IQGAP2: variants seen among roughly 807,000 people sequenced by gnomAD.
IQGAP2 encodes ras GTPase-activating-like protein IQGAP2.
In IQGAP2, 173 loss-of-function variants were observed where a neutral mutation model predicts 201.3. The ratio of observed to expected loss-of-function variants is 0.86; its 90% CI spans 0.76 to 0.98. The LOEUF is 0.98. Among genes scored for constraint, IQGAP2 ranks in the 50% least tolerant of loss-of-function variants. IQGAP2 has a pLI of 0.00. For synonymous variants in IQGAP2, 675 were observed against 673.9 expected, an observed-to-expected ratio of 1.00 and a Z score of -0.03; for missense variants, 1,687 against 1,864.8, an observed-to-expected ratio of 0.90 and a Z score of 1.76.
At chr5:76,486,568 T>C (rs1021780207) in intron 2 of IQGAP2, among the ~76,000 whole-genome samples, 3 of 152,220 alleles carry the variant, frequency 2.0e-5, no homozygotes, top group Non-Finnish European at 4.4e-5. Context: ...TAAATAGCGC[T>C]GAAGGCCTGT....
intron 2 of IQGAP2, among the ~76,000 whole-genome samples, chr5:76,545,287 G>A (rs577128441): frequency 2.0e-5 from 3 of 152,302 alleles, no homozygotes; most frequent in East Asian, 3.9e-4. Context: ...GGGACATGCC[G>A]TGGAGAGGAA....
At chr5:76,432,358 C>T (rs1470710584) in intron 1 of IQGAP2, among the ~76,000 whole-genome samples, 1 of 152,162 alleles carries the variant, frequency 6.6e-6, no homozygotes, top group African/African-American at 2.4e-5. Context: ...CTCCTGACCT[C>T]AGGTGATCCA....
At chr5:76,506,232 A>C (rs559989898) in intron 2 of IQGAP2, among the ~76,000 whole-genome samples, 10 of 152,340 alleles carry the variant, frequency 6.6e-5, no homozygotes, top group Admixed American at 3.9e-4. Context: ...CGAGAGAGCT[A>C]CTTGAGGGCA....
intron 2 of IQGAP2, among the ~76,000 whole-genome samples, chr5:76,527,379 T>C (rs964029128): frequency 6.6e-6 from 1 of 152,174 alleles, no homozygotes; most frequent in African/African-American, 2.4e-5. Context: ...CTTCTCCAAC[T>C]CTGCCAGGGA....
rs1270992109 is a variant in IQGAP2, at chr5:76,590,590, C to G, written c.819+4C>G. 5.0e-6 allele frequency: 8 copies of G among 1,596,688 alleles called. No homozygotes were observed. Among genetic ancestry groups the G allele is most frequent in the Non-Finnish European group, 6.8e-6 (8 of 1,172,688 alleles). ...AGAGGAAAATGCAAGACTGAAGGTG[C>G]TTAGATTCTGAGTAATAAAAACAGT... is the stretch of plus-strand genomic sequence containing the variant. On this transcript the variant is annotated splice_donor_region_variant and intron_variant, in intron 8 of 35. Transcript: ENST00000274364.
intron 1 of IQGAP2, among the ~76,000 whole-genome samples, 186 bp from the exon 2 acceptor site, chr5:76,461,384 A>AAT (rs1754446856): frequency 2.0e-5 from 3 of 151,326 alleles, no homozygotes; most frequent in African/African-American, 7.2e-5. Flanking sequence ...AAAAAAAATA[A>AAT]AAATAAAGGA....
intron 1 of IQGAP2, among the ~76,000 whole-genome samples, chr5:76,441,699 T>G (rs532149985): frequency 5.2e-4 from 79 of 152,326 alleles, no homozygotes; most frequent in African/African-American, 1.9e-3. Context: ...CTTTGTAGAC[T>G]GAACTGTTGC....
intron 3 of IQGAP2, among the ~76,000 whole-genome samples, chr5:76,565,643 A>G (rs1045000967): frequency 1.3e-5 from 2 of 152,194 alleles, no homozygotes; most frequent in Non-Finnish European, 2.9e-5. Flanking sequence ...TCTATGCCCC[A>G]TCCCCAGCAA....
chr5:76,530,055 G>A (rs1001742176), intron 2 of IQGAP2, among the ~76,000 whole-genome samples: 2 of 152,184 alleles, frequency 1.3e-5, no homozygotes, highest in Non-Finnish European at 2.9e-5. Context: ...TGTAACAGCA[G>A]CTGGCACATT....
chr5:76,624,901 C>T (rs1254774578), intron 13 of IQGAP2, among the ~76,000 whole-genome samples: 1 of 152,050 alleles, frequency 6.6e-6, no homozygotes, highest in African/African-American at 2.4e-5. Flanking sequence ...TGGTGAAACC[C>T]CATCTCTACT....
intron 2 of IQGAP2, among the ~76,000 whole-genome samples, chr5:76,520,926 C>G (rs996004662): frequency 1.3e-5 from 2 of 151,934 alleles, no homozygotes; most frequent in Non-Finnish European, 2.9e-5. Flanking sequence ...CCAGGCTGGT[C>G]TCAAATTCCT....
At chr5:76,499,657 T>G (rs1757169342) in intron 2 of IQGAP2, among the ~76,000 whole-genome samples, 1 of 152,216 alleles carries the variant, frequency 6.6e-6, no homozygotes, top group Non-Finnish European at 1.5e-5. Context: ...AGTGTCAAGC[T>G]GTGCAAAATG....
At chr5:76,668,222 C>T (rs113161792) in intron 22 of IQGAP2, among the ~76,000 whole-genome samples, 12 of 152,018 alleles carry the variant, frequency 7.9e-5, no homozygotes, top group African/African-American at 2.2e-4. Flanking sequence ...ACTGGCTACC[C>T]GCCCTGTTTT....
chr5:76,563,461 ATGAGTTCATAACTGT>A (rs1744523573), intron 3 of IQGAP2, among the ~76,000 whole-genome samples: 1 of 152,228 alleles, frequency 6.6e-6, no homozygotes, highest in Non-Finnish European at 1.5e-5. Context: ...AAAGCTGGCC[ATGAGTTCATAACTGT>A]TGAGTTGAAT....
chr5:76,561,876 A>T (rs1744397059), intron 2 of IQGAP2, among the ~76,000 whole-genome samples: 1 of 152,208 alleles, frequency 6.6e-6, no homozygotes, highest in Non-Finnish European at 1.5e-5. Flanking sequence ...TATTTAAAGA[A>T]GCCTTGTCTG....
intron 2 of IQGAP2, among the ~76,000 whole-genome samples, chr5:76,473,540 T>G (rs1220353845): frequency 6.6e-6 from 1 of 152,192 alleles, no homozygotes; most frequent in Non-Finnish European, 1.5e-5. Flanking sequence ...GAGATCTCAC[T>G]ATGTTGCTTA....
chr5:76,648,918 A>G (rs1025758399), intron 17 of IQGAP2, among the ~76,000 whole-genome samples: 1 of 152,238 alleles, frequency 6.6e-6, no homozygotes, highest in African/African-American at 2.4e-5. Context: ...CAGTGGGATT[A>G]TAACAGAAGA....
At chr5:76,609,297 T>G in intron 12 of IQGAP2, 7 of 1,468,594 alleles carry the variant, frequency 4.8e-6, no homozygotes, top group Non-Finnish European at 5.5e-6. Context: ...TGCACTCCAG[T>G]TTATAAATCC....
intron 1 of IQGAP2, among the ~76,000 whole-genome samples, chr5:76,424,952 C>T (rs747294712): frequency 3.9e-5 from 6 of 152,110 alleles, no homozygotes; most frequent in Non-Finnish European, 8.8e-5. Context: ...CCAGGCCTGG[C>T]CTTAATGCAT....
Sources: gnomAD v4.1 joint callset for allele counts (sites outside exome capture counted in the v4.1 genomes callset) on GRCh38, gnomAD v4.1.1 for gene constraint, MANE v1.5 for transcripts, NCBI Gene and HGNC (gene_info 2026-07-23, HGNC 2026-07-21) for gene names.